The following RGS6 variants were observed in gnomAD, a reference collection of about 807,000 sequenced individuals.
RGS6 encodes regulator of G protein signaling 6.
In RGS6, 30 loss-of-function variants were observed where a neutral mutation model predicts 78.5. That is an observed-to-expected ratio of 0.38 (90% CI 0.29 to 0.52). The LOEUF is 0.52. Among genes scored for constraint, RGS6 ranks in the 20% least tolerant of loss-of-function variants. The pLI, the probability that RGS6 is intolerant of heterozygous loss-of-function variation, is 0.85. For missense variants in RGS6, 495 were observed against 609.7 expected (o/e 0.81, Z 1.98); for synonymous variants, 206 against 206.0 (o/e 1.00, Z 0.00).
intron 3 of RGS6, among the ~76,000 whole-genome samples, chr14:72,449,127 A>G (rs1440762172): frequency 6.6e-6 from 1 of 152,190 alleles, no homozygotes; most frequent in African/African-American, 2.4e-5. Context: ...GTGAAAATCC[A>G]ATGGATCAAG....
At chr14:72,360,564 A>G (rs2081250414) in intron 3 of RGS6, among the ~76,000 whole-genome samples, 1 of 151,522 alleles carries the variant, frequency 6.6e-6, no homozygotes, top group Admixed American at 6.6e-5. Flanking sequence ...GAAAGGAGGC[A>G]TAATAGATGC....
At chr14:72,507,885 G>C (rs1450637134) in intron 13 of RGS6, among the ~76,000 whole-genome samples, 1 of 152,186 alleles carries the variant, frequency 6.6e-6, no homozygotes, top group African/African-American at 2.4e-5. Flanking sequence ...CATGACCTTG[G>C]CAGAAAGAGA....
At chr14:71,906,868 A>C in the RGS6 span, among the ~76,000 whole-genome samples, 2 of 152,084 alleles carry the variant, frequency 1.3e-5, no homozygotes, top group African/African-American at 4.8e-5. Context: ...CCAATTTATT[A>C]TATACAGGTA....
chr14:71,994,181 G>A (rs997752897), intron 2 of RGS6, among the ~76,000 whole-genome samples: 3 of 151,826 alleles, frequency 2.0e-5, no homozygotes, highest in East Asian at 1.9e-4. Flanking sequence ...AGCCTGTTCC[G>A]TCTACTTGGG....
chr14:72,342,102 G>A (rs751468597), intron 2 of RGS6, among the ~76,000 whole-genome samples: 1 of 152,150 alleles, frequency 6.6e-6, no homozygotes, highest in Non-Finnish European at 1.5e-5. Flanking sequence ...GCATTTCACA[G>A]TGCTGGTTGA....
chr14:72,002,171 G>A (rs1203581912), intron 2 of RGS6, among the ~76,000 whole-genome samples: 1 of 152,040 alleles, frequency 6.6e-6, no homozygotes, highest in Admixed American at 6.5e-5. Flanking sequence ...TTACAGACGT[G>A]AGCCACTGTG....
chr14:71,895,683 C>T, the RGS6 span, among the ~76,000 whole-genome samples: 1 of 152,140 alleles, frequency 6.6e-6, no homozygotes, highest in Non-Finnish European at 1.5e-5. Context: ...GCTTGTTATG[C>T]TGTGTGCAGA....
At chr14:72,251,006 C>T (rs2055614306) in intron 2 of RGS6, among the ~76,000 whole-genome samples, 1 of 152,156 alleles carries the variant, frequency 6.6e-6, no homozygotes, top group African/African-American at 2.4e-5. Flanking sequence ...GGCCAGATAG[C>T]TGAAGCTTAA....
At chr14:72,513,431 A>T (rs561023139) in intron 14 of RGS6, among the ~76,000 whole-genome samples, 1 of 152,144 alleles carries the variant, frequency 6.6e-6, no homozygotes, top group East Asian at 1.9e-4. Context: ...CCAGCAGCGC[A>T]TTTTGCTGAA....
At chr14:72,130,040 A>G (rs1401504525) in intron 2 of RGS6, among the ~76,000 whole-genome samples, 4 of 152,078 alleles carry the variant, frequency 2.6e-5, no homozygotes, top group African/African-American at 7.2e-5. Context: ...CAAGTTACCC[A>G]CACTTCTTCC....
chr14:72,400,449 C>T (rs2092244113), intron 3 of RGS6, among the ~76,000 whole-genome samples: 1 of 152,182 alleles, frequency 6.6e-6, no homozygotes, highest in African/African-American at 2.4e-5. Flanking sequence ...CATTATCATT[C>T]ATTCATTCAA....
intron 1 of RGS6, among the ~76,000 whole-genome samples, chr14:71,940,732 T>C (rs1434264069): frequency 6.6e-6 from 1 of 152,238 alleles, no homozygotes; most frequent in African/African-American, 2.4e-5. Context: ...CCATTAGATC[T>C]GACATACAGA....
At chr14:72,394,580 T>C (rs1185098341) in intron 3 of RGS6, among the ~76,000 whole-genome samples, 1 of 152,200 alleles carries the variant, frequency 6.6e-6, no homozygotes, top group African/African-American at 2.4e-5. Flanking sequence ...TCCTATTTGC[T>C]CTTGAAAGAA....
At chr14:72,378,292 C>T (rs1269383339) in intron 3 of RGS6, among the ~76,000 whole-genome samples, 1 of 151,732 alleles carries the variant, frequency 6.6e-6, no homozygotes, top group Non-Finnish European at 1.5e-5. Flanking sequence ...AGATGCATCT[C>T]CAGAAACCAG....
intron 15 of RGS6, among the ~76,000 whole-genome samples, chr14:72,533,018 C>G (rs1323357699): frequency 6.6e-6 from 1 of 151,944 alleles, no homozygotes; most frequent in African/African-American, 2.4e-5. Context: ...GATTAAGCAG[C>G]CTTATATTGG....
intron 3 of RGS6, among the ~76,000 whole-genome samples, chr14:72,406,308 C>T (rs915256962): frequency 2.6e-5 from 4 of 152,018 alleles, no homozygotes; most frequent in African/African-American, 9.7e-5. Context: ...TGCTTGAACC[C>T]GGGAGGCAGA....
rs542699399 is a variant in RGS6, at chr14:72,122,124, A to G, written c.84+157249A>G. On this transcript the variant is annotated intron_variant, in intron 2 of 17. Transcript: ENST00000553525. ...GTATAGAAGATAATAGATCAACCAC[A>G]TCCTCAAGGCTGGGACCAATGCTTT... is the stretch of plus-strand genomic sequence containing the variant. Among the ~76,000 whole-genome samples the G allele has an allele frequency of 2.6e-5, 4 of 152,256 alleles. No individual in the cohort carries two copies. In the South Asian group the frequency reaches 8.3e-4, roughly 32 times the overall value.
intron 3 of RGS6, among the ~76,000 whole-genome samples, chr14:72,371,481 G>T (rs1249592281): frequency 2.6e-5 from 4 of 152,136 alleles, no homozygotes; most frequent in Non-Finnish European, 5.9e-5. Context: ...AAAATTCTGG[G>T]CCGGGCATGG....
Position 72,103,867 on chromosome 14 carries a change from C to T in RGS6, c.84+138992C>T, listed in dbSNP as rs116015780. ...CAAAGGGTGGAGGAAACAGAGGTTG[C>T]CTATAAAAGAAGGATTTTGACCATT... On this transcript the variant is annotated intron_variant, in intron 2 of 17. Coordinates refer to ENST00000553525, the MANE Select transcript of RGS6 (RefSeq NM_001204424.2). Among the ~76,000 whole-genome samples the T allele has an allele frequency of 7.1e-3, 1,084 of 152,162 alleles. 10 individuals carry two copies. Among genetic ancestry groups the T allele is most frequent in the African/African-American group, 0.025 (1,025 of 41,512 alleles).
Sources: gnomAD v4.1 joint callset for allele counts (sites outside exome capture counted in the v4.1 genomes callset) on GRCh38, gnomAD v4.1.1 for gene constraint, MANE v1.5 for transcripts, NCBI Gene and HGNC (gene_info 2026-07-23, HGNC 2026-07-21) for gene names.